Variants in SLCO6A1 observed in about 807,000 individuals in gnomAD.
The protein encoded by SLCO6A1 is solute carrier organic anion transporter family member 6A1, also known as cancer/testis antigen 48.
A neutral mutation model predicts 72.7 loss-of-function variants in SLCO6A1; 65 were observed. That is an observed-to-expected ratio of 0.89 (90% CI 0.73 to 1.10). The LOEUF is 1.10. SLCO6A1 is among the 50% of genes least tolerant of loss of function. The pLI is 0.00. For missense variants in SLCO6A1, 874 were observed against 872.6 expected, an observed-to-expected ratio of 1.00 and a Z score of -0.02; for synonymous variants, 314 against 298.2, an observed-to-expected ratio of 1.05 and a Z score of -0.55.
Position 102,394,619 on chromosome 5 carries a change from G to A in SLCO6A1, c.1815-3574C>T, listed in dbSNP as rs548862650. The stretch of plus-strand genomic sequence containing the variant: ...ATAAGTGATTGCACTTCTGAGCAAT[G>A]CAATATTATGCAACTGTAAAAAATA... On this transcript the variant is annotated intron_variant, in intron 10 of 13. Transcript: ENST00000506729. Among the ~76,000 whole-genome samples, 15 of 152,026 alleles carry A rather than the reference G, an allele frequency of 9.9e-5. No individual in the cohort carries two copies. In the East Asian group the frequency reaches 2.7e-3, roughly 27 times the overall value.
At chr5:102,431,417 C>G (rs1163576108) in intron 7 of SLCO6A1, among the ~76,000 whole-genome samples, 4 of 152,106 alleles carry the variant, frequency 2.6e-5, no homozygotes, top group Admixed American at 6.6e-5. Flanking sequence ...CCTCTTCATA[C>G]TGCCTTAGCT....
Position 102,458,482 on chromosome 5 carries a change from C to T in SLCO6A1, c.1031G>A (p.Arg344Gln), listed in dbSNP as rs556934408. The T allele has an allele frequency of 2.8e-5, 45 of 1,609,334 alleles. No individual in the cohort carries two copies. The highest frequency in any genetic ancestry group is 1.7e-4 in the Middle Eastern group (1 of 6,008). ...CFPNNMPGST[R>Q]IKARKRKQLH... ...CTGTTTACGTTTCCTAGCTTTTATC[C>T]GTGTTGAACCTATATATAAACAAGT... The change falls in exon 6 of 14, where the codon CGG (arginine) becomes CAG (glutamine). Residue 344 changes from arginine (R) to glutamine (Q), a missense_variant. Arg to Gln is a conservative substitution (Grantham distance 43). Transcript: ENST00000506729.
intron 4 of SLCO6A1, among the ~76,000 whole-genome samples, chr5:102,475,171 A>T (rs971031955): frequency 6.6e-6 from 1 of 152,120 alleles, no homozygotes; most frequent in Non-Finnish European, 1.5e-5. Context: ...AATAGTAAAG[A>T]GCTGGAAGCA....
At chr5:102,409,355 A>G (rs1049224521) in intron 9 of SLCO6A1, among the ~76,000 whole-genome samples, 1 of 152,168 alleles carries the variant, frequency 6.6e-6, no homozygotes, top group Non-Finnish European at 1.5e-5. Flanking sequence ...AGTAACATTT[A>G]ATCAGAATTT....
chr5:102,449,802 C>T (rs1117130), intron 6 of SLCO6A1, among the ~76,000 whole-genome samples: 98,535 of 152,136 alleles, frequency 0.65, 32,106 homozygotes, highest in African/African-American at 0.67. Flanking sequence ...GAGTCATAGA[C>T]TTGGTCTATT....
At chr5:102,489,386 A>G (rs893149454) in intron 1 of SLCO6A1, among the ~76,000 whole-genome samples, 1 of 152,232 alleles carries the variant, frequency 6.6e-6, no homozygotes, top group African/African-American at 2.4e-5. Flanking sequence ...TATTTAAGGA[A>G]CTCAAACAAT....
At chr5:102,457,282 C>T (rs1391857081) in intron 6 of SLCO6A1, among the ~76,000 whole-genome samples, 1 of 83,600 alleles carries the variant, frequency 1.2e-5, no homozygotes, top group Admixed American at 1.1e-4. Context: ...AGCTTCTCCA[C>T]AGCAAAAGAA....
At chr5:102,418,202 T>C (rs1436433854) in intron 8 of SLCO6A1, among the ~76,000 whole-genome samples, 4 of 152,042 alleles carry the variant, frequency 2.6e-5, no homozygotes, top group African/African-American at 9.7e-5. Context: ...TATATGTATA[T>C]GTATAAAGTA....
At chr5:102,398,363 A>G (rs559073168) in intron 10 of SLCO6A1, among the ~76,000 whole-genome samples, 1 of 152,120 alleles carries the variant, frequency 6.6e-6, no homozygotes, top group South Asian at 2.1e-4. Flanking sequence ...TTTTTAGTAG[A>G]GACAGGGTTT....
intron 12 of SLCO6A1, among the ~76,000 whole-genome samples, chr5:102,377,162 T>A (rs1449066093): frequency 3.3e-5 from 5 of 152,134 alleles, no homozygotes; most frequent in Non-Finnish European, 4.4e-5. Context: ...AGACATTGTC[T>A]CAAAAATATA....
At chr5:102,428,018 A>T (rs1749009430) in intron 7 of SLCO6A1, among the ~76,000 whole-genome samples, 1 of 150,696 alleles carries the variant, frequency 6.6e-6, no homozygotes, top group Non-Finnish European at 1.5e-5. Flanking sequence ...ACAGTTGTGC[A>T]CCACCATACC....
At chr5:102,471,478 C>G in intron 4 of SLCO6A1, among the ~76,000 whole-genome samples, 1 of 152,042 alleles carries the variant, frequency 6.6e-6, no homozygotes, top group East Asian at 1.9e-4. Flanking sequence ...AACATTCACA[C>G]GCTTAAATGT....
At chr5:102,399,883 A>G (rs1028998350) in intron 9 of SLCO6A1, 141 bp from the exon 10 acceptor site, 16 of 546,418 alleles carry the variant, frequency 2.9e-5, no homozygotes, top group Admixed American at 2.1e-4. Flanking sequence ...TAAGCCTGCT[A>G]TGTATTATTT....
chr5:102,428,677 AGT>A (rs1443775608), intron 7 of SLCO6A1, among the ~76,000 whole-genome samples: 1 of 151,982 alleles, frequency 6.6e-6, no homozygotes, highest in African/African-American at 2.4e-5. Flanking sequence ...GGTAGGCTCC[AGT>A]GTCTGTTGTT....
intron 1 of SLCO6A1, among the ~76,000 whole-genome samples, chr5:102,486,565 T>G (rs936772062): frequency 2.6e-5 from 4 of 152,130 alleles, no homozygotes; most frequent in African/African-American, 7.2e-5. Flanking sequence ...ATTTGTGAAG[T>G]CTATTGTTTC....
intron 3 of SLCO6A1, among the ~76,000 whole-genome samples, chr5:102,477,406 G>A (rs1054269174): frequency 6.6e-6 from 1 of 152,084 alleles, no homozygotes; most frequent in Non-Finnish European, 1.5e-5. Flanking sequence ...TTACAGGCAT[G>A]AGCCACCATG....
intron 12 of SLCO6A1, among the ~76,000 whole-genome samples, chr5:102,386,804 A>G (rs565747868): frequency 1.4e-4 from 21 of 152,282 alleles, no homozygotes; most frequent in South Asian, 1.0e-3. Flanking sequence ...CCTGATGCTA[A>G]GAGGGTCAGC....
intron 1 of SLCO6A1, among the ~76,000 whole-genome samples, chr5:102,483,320 C>T (rs1026513592): frequency 4.6e-5 from 7 of 152,070 alleles, no homozygotes; most frequent in Non-Finnish European, 8.8e-5. Flanking sequence ...ATGTTCTTTC[C>T]ACGGGGAGAA....
At chr5:102,480,047 G>C (rs1393578556) in intron 2 of SLCO6A1, 130 bp downstream of exon 2, 1 of 846,672 alleles carries the variant, frequency 1.2e-6, no homozygotes, top group South Asian at 1.9e-5. Context: ...AGCAAACTTG[G>C]TCATATAAAT....
Sources: gnomAD v4.1 joint callset for allele counts (sites outside exome capture counted in the v4.1 genomes callset) on GRCh38, gnomAD v4.1.1 for gene constraint, MANE v1.5 for transcripts, NCBI Gene and HGNC (gene_info 2026-07-23, HGNC 2026-07-21) for gene names.